Variants in SFRP4 observed in about 807,000 individuals in gnomAD.
SFRP4 encodes secreted frizzled-related protein 4.
Under a neutral mutation model 36.3 loss-of-function variants are expected in SFRP4, and 25 were observed. The observed-to-expected ratio is 0.69, with a 90% CI of 0.50 to 0.96. SFRP4 has a LOEUF of 0.96. Among genes scored for constraint, SFRP4 ranks in the 40% least tolerant of loss-of-function variants. The pLI is 0.00. For missense variants in SFRP4, 487 were observed against 459.6 expected (o/e 1.06, Z -0.54); for synonymous variants, 182 against 168.8 (o/e 1.08, Z -0.60).
Position 37,916,292 on chromosome 7 carries a change from C to A in SFRP4, c.246G>T (p.Ala82=). The A allele has an allele frequency of 6.2e-7, 1 of 1,614,152 alleles. No homozygotes were observed. The highest frequency in any genetic ancestry group is 1.1e-5 in the South Asian group (1 of 91,084). Residue 82 remains alanine, a synonymous_variant, in exon 1 of 6, where the codon GCG becomes GCT. Transcript: ENST00000436072. The surrounding 1 kb of genome is among the most constrained non-coding windows in gnomAD (Gnocchi z 4.1). ...VLRFFLCAMY[A]PICTLEFLHD... ...GCAGGAACTCCAGGGTGCAAATGGGCGCGTACATGGCACAGAGGAAGAAGC... is the reference window on the plus strand; with the variant it reads ...GCAGGAACTCCAGGGTGCAAATGGGAGCGTACATGGCACAGAGGAAGAAGC...
rs1785584944 is a variant in SFRP4, at chr7:37,916,599, C to T, written c.-62G>A. On this transcript the variant is annotated 5_prime_UTR_variant, in exon 1 of 6. Coordinates refer to ENST00000436072, the MANE Select transcript of SFRP4 (RefSeq NM_003014.4). The surrounding 1 kb of genome is among the most constrained non-coding windows in gnomAD (Gnocchi z 4.1). ...AAAGCGCCCTTCTCTTCCTGCCACC[C>T]TCATCTTTCGCTGTCCCTTCGCCGA... 6.5e-7 allele frequency: 1 copy of T among 1,550,112 alleles called. No homozygotes were observed. The highest frequency in any genetic ancestry group is 8.7e-7 in the Non-Finnish European group (1 of 1,150,110).
At chr7:37,914,792 G>A (rs1308956093) in intron 1 of SFRP4, among the ~76,000 whole-genome samples, 2 of 152,180 alleles carry the variant, frequency 1.3e-5, no homozygotes, top group Non-Finnish European at 2.9e-5. Context: ...TTGAACCCGG[G>A]AGGCGAAGGT....
chr7:37,907,813 T>A, intron 5 of SFRP4, 149 bp from the exon 6 acceptor site: 1 of 588,724 alleles, frequency 1.7e-6, no homozygotes, highest in Non-Finnish European at 2.9e-6. Context: ...ACTTATCATG[T>A]ACCAGGTGAC....
rs773815976 is a variant in SFRP4 at position 37,914,369 on chromosome 7, TCA to T, written c.526+2_526+3del. The T allele has an allele frequency of 6.2e-7, 1 of 1,613,094 alleles. No homozygotes were observed. ...GAGGGAACGTCCATGAAGAAAGAAC[TCA>T]CCGGGGCTTAGGCGTTTACAGTCAA... is the stretch of plus-strand genomic sequence containing the variant. On this transcript the variant is annotated splice_donor_variant and splice_donor_region_variant and intron_variant, in intron 2 of 5. Coordinates refer to ENST00000436072, the MANE Select transcript of SFRP4 (RefSeq NM_003014.4). LOFTEE classifies it high-confidence loss of function.
In SFRP4 at chr7:37,916,224, C is replaced by G; in HGVS notation, c.314G>C (p.Arg105Pro). ...CTTCATGAGGGGCTCGCAGTCGTCG[C>G]GCGCGCGTTGGCACACCGACTTGCA... is the stretch of plus-strand genomic sequence containing the variant. ...KPCKSVCQRA[R>P]DDCEPLMKMY... The change falls in exon 1 of 6, where the codon CGC (arginine) becomes CCC (proline). Residue 105 changes from arginine to proline, a missense_variant. By Grantham distance (103) the Arg-to-Pro change is moderately radical (BLOSUM62 -2). Coordinates refer to ENST00000436072, the MANE Select transcript of SFRP4 (RefSeq NM_003014.4). The surrounding 1 kb of genome is among the most constrained non-coding windows in gnomAD (Gnocchi z 4.1). 6.2e-7 allele frequency: 1 copy of G among 1,614,190 alleles called. No homozygotes were observed. The highest frequency in any genetic ancestry group is 8.5e-7 in the Non-Finnish European group (1 of 1,180,046).
At chr7:37,910,143 A>G (rs6960953) in intron 4 of SFRP4, among the ~76,000 whole-genome samples, 79,772 of 151,760 alleles carry the variant, frequency 0.53, 21,565 homozygotes, top group Non-Finnish European at 0.6. Context: ...ACTGAGTTAA[A>G]GGGTATGTAT....
At position 37,914,462 on chromosome 7, in the gene SFRP4, C is replaced by T. The variant is rs1443649822; in HGVS notation, c.446-9G>A. ...GTCTATCCACTTAACATCTGAAACACAAACAGGGCCACATGGGCGTGGTTG... is the reference window on the plus strand; with the variant it reads ...GTCTATCCACTTAACATCTGAAACATAAACAGGGCCACATGGGCGTGGTTG... On this transcript the variant is annotated splice_polypyrimidine_tract_variant and intron_variant, in intron 1 of 5. Coordinates refer to ENST00000436072, the MANE Select transcript of SFRP4 (RefSeq NM_003014.4). 1.9e-6 allele frequency: 3 copies of T among 1,608,392 alleles called. No individual in the cohort carries two copies. The South Asian group carries it at 3.3e-5, about 18-fold the overall frequency.
Position 37,907,532 on chromosome 7 carries a change from T to C in SFRP4, c.988A>G (p.Lys330Glu), listed in dbSNP as rs1785415659. The C allele has an allele frequency of 6.2e-7, 1 of 1,613,926 alleles. No homozygotes were observed. Among genetic ancestry groups the C allele is most frequent in the Non-Finnish European group, 8.5e-7 (1 of 1,179,874 alleles). The change falls in exon 6 of 6, where the codon AAG (lysine) becomes GAG (glutamate). Residue 330 changes from lysine to glutamate, a missense_variant. Transcript: ENST00000436072. Reference protein sequence around the residue: ...PPAPKPASPKKNIKTRSAQKR... With the variant: ...PPAPKPASPKENIKTRSAQKR... ...TGGGCACTCCTAGTTTTAATGTTCT[T>C]CTTGGGACTGGCTGGTTTGGGAGCA...
At chr7:37,908,240 C>G (rs917491686) in intron 5 of SFRP4, among the ~76,000 whole-genome samples, 13 of 152,160 alleles carry the variant, frequency 8.5e-5, no homozygotes, top group African/African-American at 3.1e-4. Context: ...GGAATTGAGT[C>G]ATTCTGAAAA....
chr7:37,915,941 CTT>C, intron 1 of SFRP4, 150 bp downstream of exon 1: 1 of 1,244,578 alleles, frequency 8.0e-7, no homozygotes, highest in African/African-American at 1.5e-5. Context: ...AGAAACCAGA[CTT>C]TTTCTGAAGA....
chr7:37,907,347 GA>G lies in SFRP4; in HGVS notation c.*131del. 1.5e-6 allele frequency: 1 copy of G among 667,638 alleles called. No homozygotes were observed. Among genetic ancestry groups the G allele is most frequent in the Non-Finnish European group, 2.5e-6 (1 of 398,066 alleles). The allele number at this position is 667,638 out of a possible 1,614,324, so 41.4% of individuals were successfully genotyped here. A position where few individuals can be genotyped will look rare whatever the true frequency, so the allele number is the denominator to read the frequency against. Reference sequence around the variant, plus strand: ...CATAGCCTTAAGAAAAATGCTGCAAGATGTGTCTATGAAGAGCACTGCAGTG... The same window carrying G: ...CATAGCCTTAAGAAAAATGCTGCAAGTGTGTCTATGAAGAGCACTGCAGTG... On this transcript the variant is annotated 3_prime_UTR_variant, in exon 6 of 6. Transcript: ENST00000436072.
Position 37,906,805 on chromosome 7 carries a change from C to T in SFRP4, c.*674G>A, listed in dbSNP as rs560156311. ...ACAGGAATCCAGACATTGTCTGCCT[C>T]TCCTTTTTATTTATTTTTCTTTATT... On this transcript the variant is annotated 3_prime_UTR_variant, in exon 6 of 6. Coordinates refer to ENST00000436072, the MANE Select transcript of SFRP4 (RefSeq NM_003014.4). 4.6e-5 allele frequency: 7 copies of T among 152,234 alleles called. No homozygotes were observed. The highest frequency in any genetic ancestry group is 2.1e-4 in the South Asian group (1 of 4,822). The allele number at this position is 152,234 out of a possible 1,614,324, so 9.4% of individuals were successfully genotyped here. A position where few individuals can be genotyped will look rare whatever the true frequency, so the allele number is the denominator to read the frequency against.
rs1785394986 is a variant in SFRP4 at position 37,906,289 on chromosome 7, C to T, written c.*1190G>A. On this transcript the variant is annotated 3_prime_UTR_variant, in exon 6 of 6. Transcript: ENST00000436072. Reference sequence around the variant, plus strand: ...TTGGGCGTTGTGCATTTATTGAATGCCTTATAGAGAATACATGCTTACTGT... The same window carrying T: ...TTGGGCGTTGTGCATTTATTGAATGTCTTATAGAGAATACATGCTTACTGT... 1 of 152,100 alleles carries T rather than the reference C, an allele frequency of 6.6e-6. No individual in the cohort carries two copies. The highest frequency in any genetic ancestry group is 2.4e-5 in the African/African-American group (1 of 41,416). The allele number at this position is 152,100 out of a possible 1,614,324, so 9.4% of individuals were successfully genotyped here. A position where few individuals can be genotyped will look rare whatever the true frequency, so the allele number is the denominator to read the frequency against.
At position 37,916,565 on chromosome 7, in the gene SFRP4, G is replaced by A. The variant is rs1583656916; in HGVS notation, c.-28C>T. On this transcript the variant is annotated 5_prime_UTR_variant, in exon 1 of 6. Coordinates refer to ENST00000436072, the MANE Select transcript of SFRP4 (RefSeq NM_003014.4). The surrounding 1 kb of genome is among the most constrained non-coding windows in gnomAD (Gnocchi z 4.1). ...CACTGCCCTCTCGCGCTGCGACCCC[G>A]GCAGACAGAAAGCGCCCTTCTCTTC... 2.5e-6 allele frequency: 4 copies of A among 1,589,030 alleles called. No homozygotes were observed. Among genetic ancestry groups the A allele is most frequent in the Non-Finnish European group, 3.4e-6 (4 of 1,169,878 alleles).
At chr7:37,908,295 A>G (rs1785430411) in intron 5 of SFRP4, among the ~76,000 whole-genome samples, 1 of 152,214 alleles carries the variant, frequency 6.6e-6, no homozygotes, top group Non-Finnish European at 1.5e-5. Flanking sequence ...TAAATAGCTC[A>G]AGTAAGGAAC....
intron 1 of SFRP4, among the ~76,000 whole-genome samples, chr7:37,915,025 C>T (rs1481184346): frequency 6.6e-6 from 1 of 152,176 alleles, no homozygotes; most frequent in African/African-American, 2.4e-5. Context: ...TCCATTTAAC[C>T]TCACTGGTAT....
intron 5 of SFRP4, 107 bp downstream of exon 5, chr7:37,909,510 C>T (rs922049109): frequency 1.6e-6 from 1 of 612,994 alleles, no homozygotes; most frequent in African/African-American, 1.9e-5. Flanking sequence ...CTATTGCTGG[C>T]TCTTATGAGA....
chr7:37,911,552 G>A (rs1301710138), intron 4 of SFRP4, among the ~76,000 whole-genome samples: 1 of 152,196 alleles, frequency 6.6e-6, no homozygotes, highest in Non-Finnish European at 1.5e-5. Flanking sequence ...TTGTGTGTAT[G>A]TGTATGAGTG....
At chr7:37,914,498 C>A in intron 1 of SFRP4, 45 bp from the exon 2 acceptor site, 2 of 1,379,940 alleles carry the variant, frequency 1.4e-6, no homozygotes, top group South Asian at 1.2e-5. Context: ...GTGATTTGGT[C>A]TGTTCACCCA....
Sources: allele counts gnomAD v4.1 joint callset (sites outside exome capture counted in the v4.1 genomes callset), GRCh38; gene constraint gnomAD v4.1.1; non-coding constraint Gnocchi (gnomAD v3.1); transcripts MANE v1.5; gene names NCBI Gene and HGNC (gene_info 2026-07-23, HGNC 2026-07-21).